Variants in TMEM201 observed in about 807,000 individuals in gnomAD.
TMEM201 encodes the protein transmembrane protein 201, also known as RP13-15M17.2.
TMEM201 carries 26 observed loss-of-function variants against 63.4 expected under a neutral mutation model. The observed-to-expected ratio is 0.41, with a 90% CI of 0.30 to 0.57. The LOEUF (loss-of-function observed/expected upper bound fraction) is 0.57. Ranked by LOEUF, TMEM201 falls within the 20% of genes least tolerant of loss-of-function variation. The probability of loss-of-function intolerance (pLI) is 0.29; values close to 1 mark genes in which losing one functional copy is unlikely to be tolerated. For synonymous variants in TMEM201, 417 were observed against 421.6 expected (o/e 0.99, Z 0.14); for missense variants, 794 against 917.7 (o/e 0.87, Z 1.74).
At position 9,598,473 on chromosome 1, in the gene TMEM201, G is replaced by A. The variant is rs557422837; in HGVS notation, c.454G>A (p.Val152Met). ...GGGCAGGTATGACGAGGAGGTCGAG[G>A]TGTACCGGCATCACCTGGAGCAGAT... ...EEGRYDEEVE[V>M]YRHHLEQMYK... The change falls in exon 4 of 11, where the codon GTG (valine) becomes ATG (methionine). Residue 152 changes from valine to methionine, a missense_variant. Val to Met is a conservative substitution (Grantham distance 21). Coordinates refer to ENST00000340381, the MANE Select transcript of TMEM201 (RefSeq NM_001130924.3). The A allele has an allele frequency of 1.2e-6, 2 of 1,613,800 alleles. No homozygotes were observed. The highest frequency in any genetic ancestry group is 4.5e-5 in the East Asian group (2 of 44,874).
rs1210508981 is a variant in TMEM201 at position 9,602,206 on chromosome 1, T to C, written c.1094T>C (p.Leu365Pro). 2 of 1,612,982 alleles carry C rather than the reference T, an allele frequency of 1.2e-6. No individual in the cohort carries two copies. Among genetic ancestry groups the C allele is most frequent in the Non-Finnish European group, 1.7e-6 (2 of 1,180,012 alleles). ...TTCAGCACCACATCTTTGTGCTGCC[T>C]GGTTGGCTTCACGGCGGCTGTGGCC... ...LKFSTTSLCC[L>P]VGFTAAVATR... The change falls in exon 6 of 11, where the codon CTG (leucine) becomes CCG (proline). Residue 365 changes from leucine (L) to proline (P), a missense_variant. Physicochemically the swap from Leu to Pro is moderately conservative, Grantham distance 98 (BLOSUM62 -3). Coordinates refer to ENST00000340381, the MANE Select transcript of TMEM201 (RefSeq NM_001130924.3).
Position 9,589,017 on chromosome 1 carries a change from C to A in TMEM201, c.87C>A (p.Gly29=). ...GLGVTACAAA[G]VLLYRIARRM... is the part of the protein sequence containing the mutation. ...GGGTCACGGCGTGCGCCGCGGCCGGCGTGTTGCTCTACCGGATCGCGCGGA... is the reference window on the plus strand; with the variant it reads ...GGGTCACGGCGTGCGCCGCGGCCGGAGTGTTGCTCTACCGGATCGCGCGGA... Residue 29 remains glycine, a synonymous_variant, in exon 1 of 11, where the codon GGC becomes GGA. Coordinates refer to ENST00000340381, the MANE Select transcript of TMEM201 (RefSeq NM_001130924.3). 1 of 1,167,426 alleles carries A rather than the reference C, an allele frequency of 8.6e-7. No homozygotes were observed. Among genetic ancestry groups the A allele is most frequent in the South Asian group, 2.4e-5 (1 of 42,280 alleles). The allele number at this position is 1,167,426 out of a possible 1,614,324, so 72.3% of individuals were successfully genotyped here. A position where few individuals can be genotyped will look rare whatever the true frequency, so the allele number is the denominator to read the frequency against.
rs1569950190 is a variant in TMEM201, at chr1:9,605,696, G to A, written c.1161-1861G>A. Among the ~76,000 whole-genome samples, 1 of 152,134 alleles carries A rather than the reference G, an allele frequency of 6.6e-6. No individual in the cohort carries two copies. The highest frequency in any genetic ancestry group is 6.5e-5 in the Admixed American group (1 of 15,302). On this transcript the variant is annotated intron_variant, in intron 6 of 10. Coordinates refer to ENST00000340381, the MANE Select transcript of TMEM201 (RefSeq NM_001130924.3). This position sits in a 1 kb window ranked among gnomAD's most constrained non-coding sequence, Gnocchi z 5.7. ...CACCATCTTCAGTGGCACCAAACTG[G>A]GAACAACAGCCCCTGTGCCAGGTGG...
At chr1:9,598,088 G>T in intron 3 of TMEM201, among the ~76,000 whole-genome samples, 1 of 152,212 alleles carries the variant, frequency 6.6e-6, no homozygotes, top group Admixed American at 6.5e-5. Flanking sequence ...ACTCCAGGCA[G>T]TGTCAGCCCG....
At position 9,607,208 on chromosome 1, in the gene TMEM201, G is replaced by A. The variant is rs974383008; in HGVS notation, c.1161-349G>A. Among the ~76,000 whole-genome samples, 8 of 152,148 alleles carry A rather than the reference G, an allele frequency of 5.3e-5. No homozygotes were observed. The highest frequency in any genetic ancestry group is 8.8e-5 in the Non-Finnish European group (6 of 68,036). ...TTAACCTTCATTGAGTGCCTGGCAC[G>A]GGGCTGGGCATTTTTGCTTCAAGGC... is the stretch of plus-strand genomic sequence containing the variant. On this transcript the variant is annotated intron_variant, in intron 6 of 10. Coordinates refer to ENST00000340381, the MANE Select transcript of TMEM201 (RefSeq NM_001130924.3). This position sits in a 1 kb window ranked among gnomAD's most constrained non-coding sequence, Gnocchi z 5.4.
rs758245121 is a variant in TMEM201, at chr1:9,613,055, C to T, written c.1973C>T (p.Ser658Leu). ...VSLAANALFT[S>L]VFLYQSLR The stretch of plus-strand genomic sequence containing the variant: ...TTGGCCGCCAACGCCCTGTTCACCT[C>T]GGTGTTTCTGTACCAGAGCCTGCGC... The change falls in exon 11 of 11, where the codon TCG (serine) becomes TTG (leucine). Residue 658 changes from serine (S) to leucine (L), a missense_variant. Transcript: ENST00000340381. The T allele has an allele frequency of 1.7e-5, 26 of 1,551,210 alleles. No homozygotes were observed. Among genetic ancestry groups the T allele is most frequent in the South Asian group, 3.6e-5 (3 of 84,066 alleles).
intron 6 of TMEM201, chr1:9,606,556 C>A (rs534951413): frequency 6.6e-6 from 1 of 152,266 alleles, no homozygotes; most frequent in African/African-American, 2.4e-5. Flanking sequence ...CCTTAAGCAG[C>A]CCCCGGCTCC....
chr1:9,609,160 G>T (rs1644286796), intron 7 of TMEM201, among the ~76,000 whole-genome samples: 1 of 152,184 alleles, frequency 6.6e-6, no homozygotes, highest in Non-Finnish European at 1.5e-5. Flanking sequence ...GAAGGACCCT[G>T]GTTGGCATGC....
intron 1 of TMEM201, among the ~76,000 whole-genome samples, chr1:9,594,884 C>T (rs945000442): frequency 1.5e-4 from 23 of 152,270 alleles, no homozygotes; most frequent in African/African-American, 5.3e-4. Context: ...CTCTGAGCAG[C>T]GCCTCAGGAT....
In TMEM201 at chr1:9,602,987, A is replaced by T. The variant is rs1195934755; in HGVS notation, c.1160+715A>T. On this transcript the variant is annotated intron_variant, in intron 6 of 10. Coordinates refer to ENST00000340381, the MANE Select transcript of TMEM201 (RefSeq NM_001130924.3). Reference sequence around the variant, plus strand: ...TGGGCCCAGCCTGGCCTTCGCCATGAGTTTGGGGAGCGAGACCCCACCTGA... The same window carrying T: ...TGGGCCCAGCCTGGCCTTCGCCATGTGTTTGGGGAGCGAGACCCCACCTGA... 3.0e-6 allele frequency: 3 copies of T among 985,392 alleles called. No individual in the cohort carries two copies. In the African/African-American group the frequency reaches 5.2e-5, roughly 17 times the overall value. The allele number at this position is 985,392 out of a possible 1,614,324, so 61.0% of individuals were successfully genotyped here.
At position 9,604,685 on chromosome 1, in the gene TMEM201, C is replaced by T. The variant is rs948653863; in HGVS notation, c.1160+2413C>T. On this transcript the variant is annotated intron_variant, in intron 6 of 10. Coordinates refer to ENST00000340381, the MANE Select transcript of TMEM201 (RefSeq NM_001130924.3). This position sits in a 1 kb window ranked among gnomAD's most constrained non-coding sequence, Gnocchi z 4.1. ...TCACCCTCAGACTTGAGGTCCCCAC[C>T]CAGGCCAAGCCGGCCCCCCGTACCC... The T allele has an allele frequency of 3.0e-6, 3 of 985,728 alleles. No individual in the cohort carries two copies. The highest frequency in any genetic ancestry group is 2.4e-6 in the Non-Finnish European group (2 of 829,994). The allele number at this position is 985,728 out of a possible 1,614,324, so 61.1% of individuals were successfully genotyped here.
In TMEM201 at chr1:9,596,867, C is replaced by A. The variant is rs1332712452; in HGVS notation, c.243C>A (p.Asp81Glu). The A allele has an allele frequency of 6.3e-7, 1 of 1,587,632 alleles. No individual in the cohort carries two copies. The highest frequency in any genetic ancestry group is 1.1e-5 in the South Asian group (1 of 89,622). The change falls in exon 3 of 11, where the codon GAC becomes GAA. Residue 81 changes from aspartate to glutamate, a missense_variant. Transcript: ENST00000340381. ...EQYNGFQENG[D>E]YNKPIPAQYL... The stretch of plus-strand genomic sequence containing the variant: ...CCACCTCTCTCCCGCAGAACGGCGA[C>A]TACAACAAGCCGATCCCCGCCCAGT...
At position 9,605,035 on chromosome 1, in the gene TMEM201, T is replaced by G; in HGVS notation, c.1161-2522T>G. The G allele has an allele frequency of 1.0e-6, 1 of 985,348 alleles. No individual in the cohort carries two copies. The highest frequency in any genetic ancestry group is 1.2e-6 in the Non-Finnish European group (1 of 829,620). 61.0% of individuals were successfully genotyped at this position (985,348 alleles called of 1,614,324 possible). A position where few individuals can be genotyped will look rare whatever the true frequency, so the allele number is the denominator to read the frequency against. Reference sequence around the variant, plus strand: ...CCAGGGCTGGGGTGGGCAGCTGTGTTTGGGGTACAGACACGTCCACAGGAG... The same window carrying G: ...CCAGGGCTGGGGTGGGCAGCTGTGTGTGGGGTACAGACACGTCCACAGGAG... On this transcript the variant is annotated intron_variant, in intron 6 of 10. Transcript: ENST00000340381. This position sits in a 1 kb window ranked among gnomAD's most constrained non-coding sequence, Gnocchi z 5.7.
intron 9 of TMEM201, among the ~76,000 whole-genome samples, chr1:9,611,434 G>A (rs1644322938): frequency 6.6e-6 from 1 of 152,218 alleles, no homozygotes; most frequent in African/African-American, 2.4e-5. Flanking sequence ...CTGATCTCAA[G>A]TGACCCACCC....
At chr1:9,606,463 T>C (rs1355751071) in intron 6 of TMEM201, 1 of 152,184 alleles carries the variant, frequency 6.6e-6, no homozygotes, top group African/African-American at 2.4e-5. Context: ...ATAAAACTTT[T>C]TTAGAGGGAA....
At chr1:9,602,930 C>A in intron 6 of TMEM201, 1 of 985,582 alleles carries the variant, frequency 1.0e-6, no homozygotes, top group Non-Finnish European at 1.2e-6. Flanking sequence ...CCAAGACCCT[C>A]CCGAGTCCCC....
chr1:9,601,828 C>T (rs577026864), intron 5 of TMEM201, among the ~76,000 whole-genome samples: 3 of 152,296 alleles, frequency 2.0e-5, no homozygotes, highest in Admixed American at 1.3e-4. Context: ...CCCTGCTCAC[C>T]GACTCGGAGG....
rs1644224859 is a variant in TMEM201 at position 9,605,446 on chromosome 1, G to A, written c.1161-2111G>A. ...CTCTGAGACGTGGTTTGAGGGCACA[G>A]GGCAGTCGGGGGGGGTCTCTCGCCA... is the stretch of plus-strand genomic sequence containing the variant. On this transcript the variant is annotated intron_variant, in intron 6 of 10. Transcript: ENST00000340381. This position sits in a 1 kb window ranked among gnomAD's most constrained non-coding sequence, Gnocchi z 5.7. Among the ~76,000 whole-genome samples the A allele has an allele frequency of 6.6e-6, 1 of 151,978 alleles. No homozygotes were observed. The highest frequency in any genetic ancestry group is 1.5e-5 in the Non-Finnish European group (1 of 68,036).
Position 9,604,618 on chromosome 1 carries a change from G to A in TMEM201, c.1160+2346G>A. 1 of 985,582 alleles carries A rather than the reference G, an allele frequency of 1.0e-6. No homozygotes were observed. The highest frequency in any genetic ancestry group is 1.2e-6 in the Non-Finnish European group (1 of 829,940). 61.1% of individuals were successfully genotyped at this position (985,582 alleles called of 1,614,324 possible). On this transcript the variant is annotated intron_variant, in intron 6 of 10. Transcript: ENST00000340381. This position sits in a 1 kb window ranked among gnomAD's most constrained non-coding sequence, Gnocchi z 4.1. Reference sequence around the variant, plus strand: ...CTGGCTGGGGTCATCCTAGGTATGGGTGACCGTCCCTGAGACATAAGCGAG... The same window carrying A: ...CTGGCTGGGGTCATCCTAGGTATGGATGACCGTCCCTGAGACATAAGCGAG...
Sources: gnomAD v4.1 joint callset for allele counts (sites outside exome capture counted in the v4.1 genomes callset) on GRCh38, gnomAD v4.1.1 for gene constraint, Gnocchi (gnomAD v3.1) non-coding constraint, MANE v1.5 for transcripts, NCBI Gene and HGNC (gene_info 2026-07-23, HGNC 2026-07-21) for gene names.